RASL11A: variants seen among roughly 807,000 people sequenced by gnomAD.
RASL11A encodes RAS like family 11 member A.
A neutral mutation model predicts 17.1 loss-of-function variants in RASL11A; 14 were observed. That is an observed-to-expected ratio of 0.82 (90% CI 0.54 to 1.28). The LOEUF is 1.28. RASL11A is among the 50% of genes most tolerant of loss of function. The pLI is 0.00. For missense variants in RASL11A, 283 were observed against 312.3 expected, an observed-to-expected ratio of 0.91 and a Z score of 0.71; for synonymous variants, 146 against 132.5, an observed-to-expected ratio of 1.10 and a Z score of -0.70.
intron 1 of RASL11A, 42 bp from the exon 2 acceptor site, chr13:27,271,442 C>T: frequency 1.2e-6 from 2 of 1,611,798 alleles, no homozygotes; most frequent in Non-Finnish European, 1.7e-6. Flanking sequence ...GTTTGACAGG[C>T]TTGTTCTACT....
At position 27,273,045 on chromosome 13, in the gene RASL11A, C is replaced by G. The variant is rs747101856; in HGVS notation, c.280C>G (p.Gln94Glu). The G allele has an allele frequency of 1.9e-6, 3 of 1,613,964 alleles. No individual in the cohort carries two copies. The highest frequency in any genetic ancestry group is 2.2e-5 in the East Asian group (1 of 44,880). The stretch of plus-strand genomic sequence containing the variant: ...TTCTCAGATCCAAGACAGCCTCCCC[C>G]AGGTCGTCGATTCCCTGTCCAAATG... Reference protein sequence around the residue: ...GGVQIQDSLPQVVDSLSKCVQ... With the variant: ...GGVQIQDSLPEVVDSLSKCVQ... Residue 94 changes from glutamine (Q) to glutamate (E), a missense_variant, in exon 4 of 4, where the codon CAG (glutamine) becomes GAG (glutamate). Coordinates refer to ENST00000241463, the MANE Select transcript of RASL11A (RefSeq NM_206827.2).
rs1280581974 is a variant in RASL11A at position 27,270,862 on chromosome 13, C to A, written c.-83C>A. Reference sequence around the variant, plus strand: ...CGCCGCGGTCCCGGACCTCTAGTCCCGCACTCCCAGCTGGCGAGCCGGCTC... The same window carrying A: ...CGCCGCGGTCCCGGACCTCTAGTCCAGCACTCCCAGCTGGCGAGCCGGCTC... On this transcript the variant is annotated 5_prime_UTR_variant, in exon 1 of 4. Coordinates refer to ENST00000241463, the MANE Select transcript of RASL11A (RefSeq NM_206827.2). 6.6e-7 allele frequency: 1 copy of A among 1,518,388 alleles called. No homozygotes were observed. The highest frequency in any genetic ancestry group is 8.9e-7 in the Non-Finnish European group (1 of 1,129,446). 94.1% of individuals were successfully genotyped at this position (1,518,388 alleles called of 1,614,324 possible). A position where few individuals can be genotyped will look rare whatever the true frequency, so the allele number is the denominator to read the frequency against.
In RASL11A at chr13:27,271,083, G is replaced by T. The variant is rs1373370204; in HGVS notation, c.124+15G>T. 1.9e-6 allele frequency: 3 copies of T among 1,553,268 alleles called. No homozygotes were observed. The highest frequency in any genetic ancestry group is 1.2e-5 in the South Asian group (1 of 84,484). On this transcript the variant is annotated intron_variant, in intron 1 of 3. Coordinates refer to ENST00000241463, the MANE Select transcript of RASL11A (RefSeq NM_206827.2). ...GGGCAAGAGCGGTGAGTGCGGCGGG[G>T]ACCCCCGGGCGGCTTCGCTCCCCGG...
chr13:27,271,542 T>TGA lies in RASL11A; in HGVS notation c.181+5_181+6dup. On this transcript the variant is annotated splice_region_variant and intron_variant, in intron 2 of 3. Coordinates refer to ENST00000241463, the MANE Select transcript of RASL11A (RefSeq NM_206827.2). ...TTGGAGACTATGAACCGAATACAGG[T>TGA]GAGAATACTTTCACGCTCCCTGCTT... 2.5e-6 allele frequency: 4 copies of TGA among 1,614,076 alleles called. No individual in the cohort carries two copies. Among genetic ancestry groups the TGA allele is most frequent in the Non-Finnish European group, 3.4e-6 (4 of 1,179,908 alleles).
At chr13:27,271,189 G>T in intron 1 of RASL11A, 121 bp downstream of exon 1, 4 of 1,462,866 alleles carry the variant, frequency 2.7e-6, no homozygotes, top group Non-Finnish European at 3.6e-6. Context: ...GTAGAATCGG[G>T]CTGCTTTCGC....
chr13:27,271,663 A>T lies in RASL11A; in HGVS notation c.206A>T (p.Tyr69Phe). Residue 69 changes from tyrosine (Y) to phenylalanine (F), a missense_variant, in exon 3 of 4, where the codon TAT becomes TTT. Tyr to Phe is a conservative substitution (Grantham distance 22). Transcript: ENST00000241463. ...GGCAAGCTGTATTCACGGCTGGTCT[A>T]TGTCGAGGGGGACCAGCTCTCCCTG... ...NTGKLYSRLV[Y>F]VEGDQLSLQI... The T allele has an allele frequency of 6.2e-7, 1 of 1,613,908 alleles. No individual in the cohort carries two copies. Among genetic ancestry groups the T allele is most frequent in the Non-Finnish European group, 8.5e-7 (1 of 1,179,978 alleles).
At chr13:27,271,256 A>G (rs1238140632) in intron 1 of RASL11A, 188 bp downstream of exon 1, 1 of 1,443,580 alleles carries the variant, frequency 6.9e-7, no homozygotes, top group African/African-American at 1.4e-5. Flanking sequence ...TGGTGCATCT[A>G]CTCCTGGGAT....
chr13:27,271,125 T>G (rs1449339515), intron 1 of RASL11A, 57 bp downstream of exon 1: 4 of 1,521,042 alleles, frequency 2.6e-6, no homozygotes, highest in Admixed American at 2.2e-5. Flanking sequence ...CCGCGACCAC[T>G]GGGGGCGCTG....
In RASL11A at chr13:27,273,197, C is replaced by A. The variant is rs149565737; in HGVS notation, c.432C>A (p.Ile144=). The A allele has an allele frequency of 1.2e-6, 2 of 1,614,226 alleles. No homozygotes were observed. The highest frequency in any genetic ancestry group is 2.2e-5 in the East Asian group (1 of 44,884). ...CTGACTCTAAAGCCCCTGTCATCAT[C>A]GTGGGCAACAAGGGGGACCTTTTGC... is the stretch of plus-strand genomic sequence containing the variant. ...VHPDSKAPVI[I]VGNKGDLLHA... Residue 144 remains isoleucine (I), a synonymous_variant, in exon 4 of 4, where the codon ATC becomes ATA. Coordinates refer to ENST00000241463, the MANE Select transcript of RASL11A (RefSeq NM_206827.2).
In RASL11A at chr13:27,274,719, C is replaced by G. The variant is rs1882429163; in HGVS notation, c.*1225C>G. Among the ~76,000 whole-genome samples, 1 of 152,238 alleles carries G rather than the reference C, an allele frequency of 6.6e-6. No individual in the cohort carries two copies. The highest frequency in any genetic ancestry group is 1.5e-5 in the Non-Finnish European group (1 of 68,044). ...GGAGCATTTGTGTTATAACCCAACC[C>G]TGTCAGGTAGCTATTTGTTACTCCA... On this transcript the variant is annotated 3_prime_UTR_variant, in exon 4 of 4. Coordinates refer to ENST00000241463, the MANE Select transcript of RASL11A (RefSeq NM_206827.2).
chr13:27,273,162 A>G lies in RASL11A; in HGVS notation c.397A>G (p.Lys133Glu), dbSNP rs746675559. 4 of 1,614,222 alleles carry G rather than the reference A, an allele frequency of 2.5e-6. No individual in the cohort carries two copies. The highest frequency in any genetic ancestry group is 3.3e-5 in the Admixed American group (2 of 60,020). The part of the protein sequence containing the change: ...SIRPLYQHIR[K>E]VHPDSKAPVI... ...CCGACCCCTTTATCAGCACATCCGG[A>G]AGGTCCACCCTGACTCTAAAGCCCC... is the stretch of plus-strand genomic sequence containing the variant. The change falls in exon 4 of 4, where the codon AAG (lysine) becomes GAG (glutamate). Residue 133 changes from lysine to glutamate, a missense_variant. Coordinates refer to ENST00000241463, the MANE Select transcript of RASL11A (RefSeq NM_206827.2).
chr13:27,271,192 G>A, intron 1 of RASL11A, 124 bp downstream of exon 1: 1 of 1,461,342 alleles, frequency 6.8e-7, no homozygotes, highest in Non-Finnish European at 9.0e-7. Context: ...GAATCGGGCT[G>A]CTTTCGCGCT....
intron 1 of RASL11A, 170 bp from the exon 2 acceptor site, chr13:27,271,314 C>A: frequency 6.8e-7 from 1 of 1,467,548 alleles, no homozygotes; most frequent in East Asian, 2.5e-5. Flanking sequence ...GGAGAGGTGT[C>A]CCGCCAGTCG....
intron 3 of RASL11A, among the ~76,000 whole-genome samples, chr13:27,272,375 C>T (rs1296478940): frequency 1.3e-5 from 2 of 152,140 alleles, no homozygotes; most frequent in African/African-American, 4.8e-5. Flanking sequence ...TCAAGTGATC[C>T]GCCCACCTCG....
rs1274919988 is a variant in RASL11A, at chr13:27,271,469, C to G, written c.125-15C>G. ...TGTTCTACTCCTTCGGTTGATTTTC[C>G]TATTTCCTTTTCAGCAATGATCGTG... is the stretch of plus-strand genomic sequence containing the variant. On this transcript the variant is annotated splice_polypyrimidine_tract_variant and intron_variant, in intron 1 of 3. Transcript: ENST00000241463. The G allele has an allele frequency of 1.9e-6, 3 of 1,614,058 alleles. No homozygotes were observed. The highest frequency in any genetic ancestry group is 2.2e-5 in the South Asian group (2 of 91,084).
Position 27,270,998 on chromosome 13 carries a change from C to A in RASL11A, c.54C>A (p.Ser18=). The A allele has an allele frequency of 4.4e-6, 7 of 1,594,198 alleles. No individual in the cohort carries two copies. Among genetic ancestry groups the A allele is most frequent in the Non-Finnish European group, 6.0e-6 (7 of 1,170,672 alleles). The change falls in exon 1 of 4, where the codon TCC becomes TCA. Residue 18 remains serine (S), a synonymous_variant. Coordinates refer to ENST00000241463, the MANE Select transcript of RASL11A (RefSeq NM_206827.2). ...TTCTGCTCGCACCCATCCCCGAGTC[C>A]TCCTCGGACTACCTACTGCCCAAGG... is the stretch of plus-strand genomic sequence containing the variant. ...GHFLLAPIPE[S]SSDYLLPKDI...
At position 27,273,103 on chromosome 13, in the gene RASL11A, A is replaced by G. The variant is rs1312635873; in HGVS notation, c.338A>G (p.Tyr113Cys). The G allele has an allele frequency of 3.7e-6, 6 of 1,613,962 alleles. No homozygotes were observed. Among genetic ancestry groups the G allele is most frequent in the African/African-American group, 2.7e-5 (2 of 74,876 alleles). ...VQWAEGFLLV[Y>C]SITDYDSYLS... ...TGGGCCGAGGGTTTTCTGCTGGTCT[A>G]TTCCATCACAGACTATGACAGCTAC... Residue 113 changes from tyrosine (Y) to cysteine (C), a missense_variant, in exon 4 of 4, where the codon TAT (tyrosine) becomes TGT (cysteine). Transcript: ENST00000241463.
rs1052031923 is a variant in RASL11A at position 27,273,405 on chromosome 13, C to A, written c.640C>A (p.Arg214=). 4 of 1,614,072 alleles carry A rather than the reference C, an allele frequency of 2.5e-6. No homozygotes were observed. In the African/African-American group the frequency reaches 5.3e-5, roughly 22 times the overall value. The change falls in exon 4 of 4, where the codon CGG becomes AGG. Residue 214 remains arginine (R), a synonymous_variant. Transcript: ENST00000241463. ...GERRRASIIP[R]PRSPNMQDLK... is the part of the protein sequence containing the mutation. ...AAGAAGAAGAGCCTCCATCATCCCTCGGCCCCGCTCTCCCAACATGCAGGA... is the reference window on the plus strand; with the variant it reads ...AAGAAGAAGAGCCTCCATCATCCCTAGGCCCCGCTCTCCCAACATGCAGGA...
intron 3 of RASL11A, 136 bp downstream of exon 3, chr13:27,271,854 A>C: frequency 1.5e-6 from 1 of 676,394 alleles, no homozygotes; most frequent in South Asian, 1.9e-5. Flanking sequence ...AGAGGGAGGA[A>C]TGGGCTGTCC....
Sources: allele counts gnomAD v4.1 joint callset (sites outside exome capture counted in the v4.1 genomes callset), GRCh38; gene constraint gnomAD v4.1.1; transcripts MANE v1.5; gene names NCBI Gene and HGNC (gene_info 2026-07-23, HGNC 2026-07-21).